IL1RAPL2: variants seen among roughly 807,000 people sequenced by gnomAD.
The protein encoded by IL1RAPL2 is interleukin 1 receptor accessory protein like 2.
Under a neutral mutation model 44.1 loss-of-function variants are expected in IL1RAPL2, and 3 were observed. The observed-to-expected ratio is 0.07, with a 90% CI of 0.03 to 0.18. The LOEUF is 0.18. Ranked by LOEUF, IL1RAPL2 falls within the 10% of genes least tolerant of loss-of-function variation. The pLI is 1.00. For missense variants in IL1RAPL2, 391 were observed against 496.4 expected (o/e 0.79, Z 2.02); for synonymous variants, 181 against 178.8 (o/e 1.01, Z -0.10).
At chrX:104,902,389 C>G (rs1339555322) in intron 2 of IL1RAPL2, among the ~76,000 whole-genome samples, 2 of 111,993 alleles carry the variant, frequency 1.8e-5, no homozygotes, top group Non-Finnish European at 3.8e-5. Flanking sequence ...TCAACCGAAA[C>G]AATTTTTTGT....
intron 6 of IL1RAPL2, among the ~76,000 whole-genome samples, chrX:105,543,856 T>A (rs1221959009): frequency 8.9e-6 from 1 of 111,928 alleles, no homozygotes; most frequent in Non-Finnish European, 1.9e-5. Flanking sequence ...AAAGTGTGAG[T>A]CCTCCAAAAG....
intron 2 of IL1RAPL2, among the ~76,000 whole-genome samples, chrX:104,887,817 A>G (rs946622987): frequency 1.8e-5 from 2 of 111,663 alleles, no homozygotes; most frequent in African/African-American, 6.5e-5. Flanking sequence ...ATTTGTGGAG[A>G]ATGGGATATT....
chrX:104,797,670 T>A (rs1218752979), intron 2 of IL1RAPL2, among the ~76,000 whole-genome samples: 1 of 112,008 alleles, frequency 8.9e-6, no homozygotes, highest in African/African-American at 3.2e-5. Flanking sequence ...GTAGATTCAT[T>A]CTCAAATACC....
chrX:104,969,519 A>G (rs1211207281), intron 2 of IL1RAPL2, among the ~76,000 whole-genome samples: 1 of 112,004 alleles, frequency 8.9e-6, no homozygotes, highest in Non-Finnish European at 1.9e-5. Flanking sequence ...ATTTTACTAT[A>G]ATAGAAGTAA....
chrX:104,952,670 TG>T (rs2147711471), intron 2 of IL1RAPL2, among the ~76,000 whole-genome samples: 1 of 111,277 alleles, frequency 9.0e-6, no homozygotes, highest in Non-Finnish European at 1.9e-5. Flanking sequence ...AAAAGATAGG[TG>T]TTTTTCATAT....
chrX:104,924,969 C>A (rs1436194671), intron 2 of IL1RAPL2, among the ~76,000 whole-genome samples: 1 of 109,847 alleles, frequency 9.1e-6, no homozygotes, highest in African/African-American at 3.3e-5. Flanking sequence ...AACCAAGATT[C>A]AAACAAGCAC....
intron 2 of IL1RAPL2, among the ~76,000 whole-genome samples, chrX:105,173,192 A>G (rs2033440276): frequency 9.0e-6 from 1 of 110,684 alleles, no homozygotes; most frequent in Non-Finnish European, 1.9e-5. Flanking sequence ...AATATTATTC[A>G]CCCCTCTGGA....
intron 2 of IL1RAPL2, among the ~76,000 whole-genome samples, chrX:104,977,497 C>G (rs1181465825): frequency 1.8e-5 from 2 of 111,885 alleles, no homozygotes; most frequent in Admixed American, 1.9e-4. Context: ...CTCCACTGAT[C>G]ACTGATTGCC....
chrX:104,588,521 A>G (rs1340066434), intron 1 of IL1RAPL2, among the ~76,000 whole-genome samples: 1 of 111,077 alleles, frequency 9.0e-6, no homozygotes, highest in African/African-American at 3.3e-5. Context: ...AGAAAACCAA[A>G]TTATCTTAAT....
In IL1RAPL2 at chrX:104,742,308, T is replaced by C. The variant is rs146023791; in HGVS notation, c.82+83313T>C. On this transcript the variant is annotated intron_variant, in intron 2 of 10. Coordinates refer to ENST00000372582, the MANE Select transcript of IL1RAPL2 (RefSeq NM_017416.2). ...CACTGACCTTATATGTTGGGGTATA[T>C]TCTGAAAGTGAGTAACTTTGGGAAG... Among the ~76,000 whole-genome samples the C allele has an allele frequency of 6.4e-3, 720 of 111,817 alleles. 3 individuals are homozygous for C. The highest frequency in any genetic ancestry group is 0.022 in the African/African-American group (688 of 30,889).
At chrX:104,818,104 C>G (rs1422878813) in intron 2 of IL1RAPL2, among the ~76,000 whole-genome samples, 2 of 110,131 alleles carry the variant, frequency 1.8e-5, no homozygotes, top group African/African-American at 6.6e-5. Context: ...CAGCTGTAAT[C>G]CCAGCACTTT....
At position 105,767,714 on chromosome X, in the gene IL1RAPL2, A is replaced by C. The variant is rs1358140144; in HGVS notation, c.*53A>C. Reference sequence around the variant, plus strand: ...TAGATAAGCATAGAGAATTTCTGTTATACCAAGCATAAAGTACACCTAATA... The same window carrying C: ...TAGATAAGCATAGAGAATTTCTGTTCTACCAAGCATAAAGTACACCTAATA... On this transcript the variant is annotated 3_prime_UTR_variant, in exon 11 of 11. Transcript: ENST00000372582. 1.1e-6 allele frequency: 1 copy of C among 886,549 alleles called. No homozygotes were observed. The highest frequency in any genetic ancestry group is 3.1e-5 in the East Asian group (1 of 32,058). 73.1% of individuals were successfully genotyped at this position (886,549 alleles called of 1,213,427 possible).
chrX:105,262,560 C>T, intron 4 of IL1RAPL2, among the ~76,000 whole-genome samples: 1 of 111,555 alleles, frequency 9.0e-6, no homozygotes, highest in Non-Finnish European at 1.9e-5. Flanking sequence ...ATTATCACCA[C>T]CTGTTTTTTT....
chrX:105,624,094 G>A (rs1473717620), intron 6 of IL1RAPL2, among the ~76,000 whole-genome samples: 1 of 110,913 alleles, frequency 9.0e-6, no homozygotes, highest in African/African-American at 3.3e-5. Flanking sequence ...ATATTTTGAA[G>A]GCCCTGAAGA....
At chrX:105,256,548 C>T (rs1379470276) in intron 4 of IL1RAPL2, among the ~76,000 whole-genome samples, 3 of 110,478 alleles carry the variant, frequency 2.7e-5, no homozygotes, top group Admixed American at 9.7e-5. Context: ...AGACTGTTCT[C>T]GAACTCCTGA....
At chrX:105,381,329 G>T (rs762540509) in intron 5 of IL1RAPL2, among the ~76,000 whole-genome samples, 75 of 111,629 alleles carry the variant, frequency 6.7e-4, no homozygotes, top group African/African-American at 2.4e-3. Context: ...TACTTCATCA[G>T]ACAGCTTCTT....
chrX:105,251,747 A>G lies in IL1RAPL2; in HGVS notation c.544-15641A>G, dbSNP rs780055455. 3.8e-4 allele frequency among the ~76,000 whole-genome samples: 42 copies of G among 109,881 alleles called. No individual in the cohort carries two copies. The South Asian group carries it at 4.7e-3, about 12-fold the overall frequency. ...AGTAATTAAATATCACTGGACCTCA[A>G]TTTCCCCACATATAAAATATATGTA... On this transcript the variant is annotated intron_variant, in intron 4 of 10. Transcript: ENST00000372582.
chrX:104,920,566 G>C (rs1159183245), intron 2 of IL1RAPL2, among the ~76,000 whole-genome samples: 1 of 102,421 alleles, frequency 9.8e-6, no homozygotes, highest in South Asian at 5.1e-4. Flanking sequence ...ATCATGTGAC[G>C]TGCCTGCTTC....
At chrX:105,447,358 TA>T (rs2035972649) in intron 5 of IL1RAPL2, among the ~76,000 whole-genome samples, 16 of 64,291 alleles carry the variant, frequency 2.5e-4, no homozygotes, top group African/African-American at 9.8e-4. Context: ...AATATATAAA[TA>T]TATAAATATA....
Sources: gnomAD v4.1 joint callset for allele counts (sites outside exome capture counted in the v4.1 genomes callset) on GRCh38, gnomAD v4.1.1 for gene constraint, MANE v1.5 for transcripts, NCBI Gene and HGNC (gene_info 2026-07-23, HGNC 2026-07-21) for gene names.